RBBP4: variants seen among roughly 807,000 people sequenced by gnomAD.
The protein encoded by RBBP4 is histone-binding protein RBBP4.
In RBBP4, 3 loss-of-function variants were observed where a neutral mutation model predicts 57.2. The observed-to-expected ratio is 0.05, with a 90% CI of 0.02 to 0.14. The LOEUF (loss-of-function observed/expected upper bound fraction) is 0.14. RBBP4 is among the 10% of genes least tolerant of loss of function. The pLI, the probability that RBBP4 is intolerant of heterozygous loss-of-function variation, is 1.00. For missense variants in RBBP4, 107 were observed against 520.6 expected, an observed-to-expected ratio of 0.21 and a Z score of 7.73; for synonymous variants, 151 against 171.5, an observed-to-expected ratio of 0.88 and a Z score of 0.93.
intron 3 of RBBP4, 56 bp downstream of exon 3, chr1:32,657,628 C>T (rs1648200240): frequency 1.9e-6 from 3 of 1,542,040 alleles, no homozygotes; most frequent in South Asian, 1.2e-5. Flanking sequence ...CTGTTATGTG[C>T]ACTTTGATAA....
Position 32,683,562 on chromosome 1 carries a change from C to CT in RBBP4, c.*3858dup, listed in dbSNP as rs1649594304. 1 of 153,660 alleles carries CT rather than the reference C, an allele frequency of 6.5e-6. No individual in the cohort carries two copies. Among genetic ancestry groups the CT allele is most frequent in the African/African-American group, 2.4e-5 (1 of 41,458 alleles). 9.5% of individuals were successfully genotyped at this position (153,660 alleles called of 1,614,324 possible). The stretch of plus-strand genomic sequence containing the variant: ...TTCCAAATGAACTCTGAATGCCTGA[C>CT]TCAGGCGTTTTGGAGGTTTGGGTTA... On this transcript the variant is annotated 3_prime_UTR_variant, in exon 12 of 12. Transcript: ENST00000373493.
intron 11 of RBBP4, chr1:32,673,592 C>T (rs1401978202): frequency 6.8e-6 from 2 of 292,316 alleles, no homozygotes; most frequent in African/African-American, 4.7e-5. Context: ...TGCGTACCAC[C>T]ATGCCTGGCT....
intron 3 of RBBP4, among the ~76,000 whole-genome samples, chr1:32,665,043 A>G (rs1318197933): frequency 6.6e-6 from 1 of 152,222 alleles, no homozygotes; most frequent in Non-Finnish European, 1.5e-5. Flanking sequence ...TGCCACTAAT[A>G]GACTTAGTGC....
intron 3 of RBBP4, 147 bp from the exon 4 acceptor site, chr1:32,668,078 T>G: frequency 1.4e-6 from 1 of 691,022 alleles, no homozygotes; most frequent in East Asian, 2.9e-5. Context: ...GGAAAGCACT[T>G]TATAGTGCTA....
At position 32,653,647 on chromosome 1, in the gene RBBP4, T is replaced by G. The variant is rs79038602; in HGVS notation, c.164+1586T>G. Among the ~76,000 whole-genome samples, 78 of 34,136 alleles carry G rather than the reference T, an allele frequency of 2.3e-3. 1 individual carries two copies. Among genetic ancestry groups the G allele is most frequent in the South Asian group, 6.9e-3 (4 of 576 alleles). 22.4% of individuals were successfully genotyped at this position (34,136 alleles called of 152,430 possible). A position where few individuals can be genotyped will look rare whatever the true frequency, so the allele number is the denominator to read the frequency against. On this transcript the variant is annotated intron_variant, in intron 2 of 11. Coordinates refer to ENST00000373493, the MANE Select transcript of RBBP4 (RefSeq NM_005610.3). ...GTTTTTTGTTTTCTGGTTTTTTTTT[T>G]TTTTTTTTTTTTGTTTTTGTTTTTT...
chr1:32,681,870 T>C lies in RBBP4; in HGVS notation c.*2165T>C. ...TATTTCTAAACAGCCCCTGTAAAGT[T>C]GAAAGAAAAAGTTTATAACAGTGAA... On this transcript the variant is annotated 3_prime_UTR_variant, in exon 12 of 12. Coordinates refer to ENST00000373493, the MANE Select transcript of RBBP4 (RefSeq NM_005610.3). 1 of 1,613,942 alleles carries C rather than the reference T, an allele frequency of 6.2e-7. No homozygotes were observed. The highest frequency in any genetic ancestry group is 2.2e-5 in the East Asian group (1 of 44,876).
rs199767188 is a variant in RBBP4 at position 32,684,260 on chromosome 1, A to G, written c.*4555A>G. 8 of 1,614,222 alleles carry G rather than the reference A, an allele frequency of 5.0e-6. No individual in the cohort carries two copies. The highest frequency in any genetic ancestry group is 4.0e-5 in the African/African-American group (3 of 75,072). ...TTTGTATAGCAGCAGAAACTGACTTATAAGTAGAGAGCTCTTCAGCAAGAC... is the reference window on the plus strand; with the variant it reads ...TTTGTATAGCAGCAGAAACTGACTTGTAAGTAGAGAGCTCTTCAGCAAGAC... On this transcript the variant is annotated 3_prime_UTR_variant, in exon 12 of 12. Transcript: ENST00000373493.
intron 11 of RBBP4, among the ~76,000 whole-genome samples, chr1:32,678,031 C>T (rs1649184546): frequency 6.6e-6 from 1 of 152,098 alleles, no homozygotes; most frequent in Non-Finnish European, 1.5e-5. Flanking sequence ...TATAGAGATT[C>T]GGAACATATT....
chr1:32,672,964 T>G (rs1048349392), intron 11 of RBBP4, 63 bp downstream of exon 11: 1 of 1,312,060 alleles, frequency 7.6e-7, no homozygotes, highest in African/African-American at 1.5e-5. Context: ...CAATTTACAT[T>G]TGTATATTTT....
chr1:32,654,992 G>C (rs1246701778), intron 2 of RBBP4, among the ~76,000 whole-genome samples: 5 of 152,088 alleles, frequency 3.3e-5, no homozygotes, highest in Admixed American at 3.3e-4. Flanking sequence ...AGTGCACCTG[G>C]CTGAAAATTG....
At position 32,652,014 on chromosome 1, in the gene RBBP4, T is replaced by C. The variant is rs764476265; in HGVS notation, c.117T>C (p.Ala39=). The C allele has an allele frequency of 5.6e-6, 9 of 1,613,982 alleles. No individual in the cohort carries two copies. Among genetic ancestry groups the C allele is most frequent in the Non-Finnish European group, 6.8e-6 (8 of 1,179,858 alleles). ...TTTATGATTTGGTGATGACCCATGC[T>C]CTGGAGTGGCCCAGCCTAACTGCCC... The part of the protein sequence containing the change: ...PFLYDLVMTH[A]LEWPSLTAQW... The change falls in exon 2 of 12, where the codon GCT becomes GCC. Residue 39 remains alanine, a synonymous_variant. Coordinates refer to ENST00000373493, the MANE Select transcript of RBBP4 (RefSeq NM_005610.3).
Position 32,651,224 on chromosome 1 carries a change from G to C in RBBP4, c.-83G>C. ...GGGGGCGCAGGAAACAATAGAGGCC[G>C]CGCGCACAGAGCGAGCTCTTGCAGC... On this transcript the variant is annotated 5_prime_UTR_variant, in exon 1 of 12. Transcript: ENST00000373493. The C allele has an allele frequency of 1.3e-6, 2 of 1,499,198 alleles. No homozygotes were observed. Among genetic ancestry groups the C allele is most frequent in the Non-Finnish European group, 1.8e-6 (2 of 1,120,546 alleles). 92.9% of individuals were successfully genotyped at this position (1,499,198 alleles called of 1,614,324 possible).
chr1:32,680,612 T>C lies in RBBP4; in HGVS notation c.*907T>C. On this transcript the variant is annotated 3_prime_UTR_variant, in exon 12 of 12. Coordinates refer to ENST00000373493, the MANE Select transcript of RBBP4 (RefSeq NM_005610.3). The stretch of plus-strand genomic sequence containing the variant: ...AGGCCTGTTACTCTCCATGACTAAC[T>C]GTGTAAGTGCTTAAAATGGAATAAA... 2 of 1,323,826 alleles carry C rather than the reference T, an allele frequency of 1.5e-6. No individual in the cohort carries two copies. The highest frequency in any genetic ancestry group is 1.0e-6 in the Non-Finnish European group (1 of 965,030). 82.0% of individuals were successfully genotyped at this position (1,323,826 alleles called of 1,614,324 possible).
intron 11 of RBBP4, among the ~76,000 whole-genome samples, chr1:32,674,984 T>A (rs988533429): frequency 6.6e-6 from 1 of 151,954 alleles, no homozygotes; most frequent in African/African-American, 2.4e-5. Context: ...TGATCCGCCC[T>A]CTTTGGCCTC....
intron 2 of RBBP4, among the ~76,000 whole-genome samples, chr1:32,654,340 T>C (rs528954251): frequency 1.2e-4 from 18 of 152,304 alleles, no homozygotes; most frequent in Non-Finnish European, 2.5e-4. Context: ...ATCCTGCTAC[T>C]GCACTCCAGC....
chr1:32,676,507 G>A (rs1015675083), intron 11 of RBBP4, among the ~76,000 whole-genome samples: 2 of 152,004 alleles, frequency 1.3e-5, no homozygotes, highest in Non-Finnish European at 2.9e-5. Flanking sequence ...CTACTTGGGA[G>A]GCTGAGGCAG....
Position 32,669,150 on chromosome 1 carries a change from A to T in RBBP4, c.761+18A>T, listed in dbSNP as rs770736989. On this transcript the variant is annotated intron_variant, in intron 6 of 11. Transcript: ENST00000373493. This position sits in a 1 kb window ranked among gnomAD's most constrained non-coding sequence, Gnocchi z 4.9. ...CTTATGATGTGAGTAGAATCCATTC[A>T]GAGTTTCTAAATATCTTGTCTAAGT... The T allele has an allele frequency of 2.5e-6, 4 of 1,613,202 alleles. No individual in the cohort carries two copies.
chr1:32,653,026 G>T (rs1400618822), intron 2 of RBBP4, among the ~76,000 whole-genome samples: 1 of 152,160 alleles, frequency 6.6e-6, no homozygotes, highest in African/African-American at 2.4e-5. Context: ...TTCTTATAAG[G>T]GGTTTGGGCA....
chr1:32,674,265 G>C (rs1570867882), intron 11 of RBBP4, among the ~76,000 whole-genome samples: 1 of 152,262 alleles, frequency 6.6e-6, no homozygotes, highest in East Asian at 1.9e-4. Context: ...ACAGTTTCTT[G>C]CTCTGTTGTT....
Sources: allele counts gnomAD v4.1 joint callset (sites outside exome capture counted in the v4.1 genomes callset), GRCh38; gene constraint gnomAD v4.1.1; non-coding constraint Gnocchi (gnomAD v3.1); transcripts MANE v1.5; gene names NCBI Gene and HGNC (gene_info 2026-07-23, HGNC 2026-07-21).